GLIS3: variants seen among roughly 807,000 people sequenced by gnomAD.
The protein encoded by GLIS3 is zinc finger protein GLIS3.
A neutral mutation model predicts 78.6 loss-of-function variants in GLIS3; 53 were observed. The ratio of observed to expected loss-of-function variants is 0.67; its 90% CI spans 0.54 to 0.85. The LOEUF is 0.85. Among genes scored for constraint, GLIS3 ranks in the 40% least tolerant of loss-of-function variants. The pLI is 0.00. For synonymous variants in GLIS3, 684 were observed against 509.9 expected, an observed-to-expected ratio of 1.34 and a Z score of -4.60; for missense variants, 1,703 against 1,231.1, an observed-to-expected ratio of 1.38 and a Z score of -5.74.
chr9:4,114,105 T>C (rs1314805408), intron 4 of GLIS3, among the ~76,000 whole-genome samples: 1 of 152,164 alleles, frequency 6.6e-6, no homozygotes. Context: ...GTCATCAGTG[T>C]TTCTGATCCT....
intron 2 of GLIS3, among the ~76,000 whole-genome samples, chr9:4,148,802 G>C (rs1834435365): frequency 6.6e-6 from 1 of 152,114 alleles, no homozygotes; most frequent in Admixed American, 6.5e-5. Flanking sequence ...AATAAACAGA[G>C]AAATTGCTGA....
At chr9:3,919,289 G>C (rs939767966) in intron 6 of GLIS3, among the ~76,000 whole-genome samples, 1 of 152,224 alleles carries the variant, frequency 6.6e-6, no homozygotes, top group Admixed American at 6.5e-5. Flanking sequence ...ACTGCATGTT[G>C]AGTTAGAAAA....
At chr9:3,986,216 T>C (rs1273897430) in intron 4 of GLIS3, among the ~76,000 whole-genome samples, 4 of 152,238 alleles carry the variant, frequency 2.6e-5, no homozygotes, top group African/African-American at 9.6e-5. Flanking sequence ...TGTCTTCTGC[T>C]AATACCTCTC....
chr9:3,952,085 G>A (rs1406552493), intron 4 of GLIS3, among the ~76,000 whole-genome samples: 4 of 133,878 alleles, frequency 3.0e-5, no homozygotes, highest in African/African-American at 1.4e-4. Context: ...CAATTCACAA[G>A]GCAGATCTGG....
chr9:3,924,447 A>C (rs7861718), intron 6 of GLIS3, among the ~76,000 whole-genome samples: 45,352 of 152,118 alleles, frequency 0.3, 6,854 homozygotes, highest in East Asian at 0.46. Context: ...GGCAGTGCTT[A>C]AAAGAAGCCC....
At chr9:4,194,291 C>T (rs1330317714) in intron 2 of GLIS3, among the ~76,000 whole-genome samples, 1 of 152,124 alleles carries the variant, frequency 6.6e-6, no homozygotes, top group Admixed American at 6.5e-5. Flanking sequence ...AACTCCTGAG[C>T]TCAGGCAATC....
In GLIS3 at chr9:4,010,616, T is replaced by G. The variant is rs572476003; in HGVS notation, c.1711-73427A>C. 3.3e-5 allele frequency among the ~76,000 whole-genome samples: 5 copies of G among 152,284 alleles called. No homozygotes were observed. In the South Asian group the frequency reaches 1.0e-3, roughly 32 times the overall value. The stretch of plus-strand genomic sequence containing the variant: ...GAAATTTGCCTCAGCTTCCAGACTT[T>G]CCCGTGAAAATCGCCTGCTTTGGTG... On this transcript the variant is annotated intron_variant, in intron 4 of 10. Transcript: ENST00000381971.
At chr9:4,070,319 A>T (rs1435867027) in intron 4 of GLIS3, among the ~76,000 whole-genome samples, 1 of 152,200 alleles carries the variant, frequency 6.6e-6, no homozygotes, top group Admixed American at 6.5e-5. Flanking sequence ...TCAGCTTTGC[A>T]CCAGGGAAAA....
chr9:4,173,758 A>C (rs1034704772), intron 2 of GLIS3, among the ~76,000 whole-genome samples: 2 of 152,128 alleles, frequency 1.3e-5, no homozygotes, highest in Non-Finnish European at 2.9e-5. Flanking sequence ...CACCATGCCC[A>C]GTAAGATTTT....
intron 4 of GLIS3, among the ~76,000 whole-genome samples, chr9:4,029,017 A>C (rs1588487112): frequency 6.6e-6 from 1 of 152,196 alleles, no homozygotes; most frequent in Non-Finnish European, 1.5e-5. Context: ...TACTACTCCA[A>C]GATGATGATG....
chr9:4,430,404 C>A, the GLIS3 span, among the ~76,000 whole-genome samples: 1 of 152,300 alleles, frequency 6.6e-6, no homozygotes, highest in East Asian at 1.9e-4. Context: ...TGCAGCTCCC[C>A]GTCTAGACAA....
intron 2 of GLIS3, among the ~76,000 whole-genome samples, chr9:4,168,817 T>G (rs763291696): frequency 5.9e-5 from 9 of 152,090 alleles, no homozygotes; most frequent in Admixed American, 2.6e-4. Flanking sequence ...AACAACAGAC[T>G]CCACAAAAAT....
In GLIS3 at chr9:4,347,498, C is replaced by T. The variant is rs186002066; in HGVS notation, n.162-315G>A. ...ATGACTGTTAAAATGCAGATTCCTA[C>T]ACCCACTCCAGATCAAGTGAATCAG... On this transcript the variant is annotated intron_variant and non_coding_transcript_variant, in intron 1 of 4. Coordinates refer to the GLIS3 transcript ENST00000471664. 7.2e-5 allele frequency among the ~76,000 whole-genome samples: 11 copies of T among 152,298 alleles called. No homozygotes were observed. The East Asian group carries it at 1.9e-3, about 27-fold the overall frequency.
At chr9:3,863,811 C>T (rs567617846) in intron 8 of GLIS3, among the ~76,000 whole-genome samples, 2 of 152,208 alleles carry the variant, frequency 1.3e-5, no homozygotes, top group Non-Finnish European at 2.9e-5. Context: ...CTAATCAATG[C>T]CCAAGGCAGA....
chr9:4,321,120 G>A (rs1163352356), intron 2 of GLIS3, among the ~76,000 whole-genome samples: 1 of 147,892 alleles, frequency 6.8e-6, no homozygotes, highest in African/African-American at 2.6e-5. Context: ...CATGGTCTCC[G>A]CTTTTTTTAA....
At chr9:3,997,575 A>T (rs762839271) in intron 4 of GLIS3, among the ~76,000 whole-genome samples, 9 of 152,090 alleles carry the variant, frequency 5.9e-5, no homozygotes, top group Non-Finnish European at 1.2e-4. Flanking sequence ...TTAAAAATAT[A>T]TACATCATGA....
chr9:4,209,059 T>G (rs776093582), intron 2 of GLIS3, among the ~76,000 whole-genome samples: 19 of 152,312 alleles, frequency 1.2e-4, no homozygotes, highest in Middle Eastern at 3.4e-3. Context: ...TATCATAAGA[T>G]ATATATAAAA....
At chr9:4,170,992 G>A (rs755710368) in intron 2 of GLIS3, among the ~76,000 whole-genome samples, 1 of 152,110 alleles carries the variant, frequency 6.6e-6, no homozygotes, top group Non-Finnish European at 1.5e-5. Flanking sequence ...GGTAGCACAT[G>A]CAGATCACAC....
At chr9:4,308,884 C>A (rs1817293016) in exon 4 of GLIS3, 1 of 152,228 alleles carries the variant, frequency 6.6e-6, no homozygotes, top group African/African-American at 2.4e-5. Context: ...CAGAGCCAAA[C>A]TGCTGGGATT....
Sources: gnomAD v4.1 joint callset for allele counts (sites outside exome capture counted in the v4.1 genomes callset) on GRCh38, gnomAD v4.1.1 for gene constraint, MANE v1.5 for transcripts, NCBI Gene and HGNC (gene_info 2026-07-23, HGNC 2026-07-21) for gene names.